DEUP1: variants seen among roughly 807,000 people sequenced by gnomAD.
The protein encoded by DEUP1 is coiled-coil domain containing 67.
DEUP1 carries 82 observed loss-of-function variants against 87.4 expected under a neutral mutation model. The ratio of observed to expected loss-of-function variants is 0.94; its 90% CI spans 0.78 to 1.13. The LOEUF is 1.13. Ranked by LOEUF, DEUP1 falls within the 50% of genes most tolerant of loss-of-function variation. The probability of loss-of-function intolerance (pLI) is 0.00; values close to 1 mark genes in which losing one functional copy is unlikely to be tolerated. For synonymous variants in DEUP1, 214 were observed against 222.7 expected (o/e 0.96, Z 0.35); for missense variants, 663 against 681.5 (o/e 0.97, Z 0.30).
chr11:93,394,372 TAGA>T lies in DEUP1; in HGVS notation c.1042-84_1042-82del, dbSNP rs1946869516. On this transcript the variant is annotated intron_variant, in intron 9 of 13. Transcript: ENST00000298050. ...AGTGGGCCCTGACAAAGTTTCAGAATAGAAGGACTGAACATGGCCAGTAAAATT... is the reference window on the plus strand; with the variant it reads ...AGTGGGCCCTGACAAAGTTTCAGAATAGGACTGAACATGGCCAGTAAAATT... 3.1e-6 allele frequency: 3 copies of T among 957,416 alleles called. No individual in the cohort carries two copies. The African/African-American group carries it at 5.0e-5, about 16-fold the overall frequency. The allele number at this position is 957,416 out of a possible 1,614,324, so 59.3% of individuals were successfully genotyped here. A position where few individuals can be genotyped will look rare whatever the true frequency, so the allele number is the denominator to read the frequency against.
intron 7 of DEUP1, chr11:93,383,564 T>G (rs567632075): frequency 1.5e-6 from 1 of 660,370 alleles, no homozygotes; most frequent in Non-Finnish European, 2.8e-6. Flanking sequence ...ACTTTGTGAC[T>G]AAATTGAAAA....
At position 93,389,343 on chromosome 11, in the gene DEUP1, C is replaced by T. The variant is rs138015837; in HGVS notation, c.1041+218C>T. 8.6e-3 allele frequency among the ~76,000 whole-genome samples: 1,307 copies of T among 152,298 alleles called. 16 individuals carry two copies. The highest frequency in any genetic ancestry group is 0.014 in the Non-Finnish European group (979 of 68,022). On this transcript the variant is annotated intron_variant, in intron 9 of 13. Transcript: ENST00000298050. ...CACTGTGCTACTGGGAGACTGCCCACGACACGTGGAGGGTGGAGGGCTGGA... is the reference window on the plus strand; with the variant it reads ...CACTGTGCTACTGGGAGACTGCCCATGACACGTGGAGGGTGGAGGGCTGGA...
chr11:93,385,872 G>A (rs1235559331), intron 8 of DEUP1, among the ~76,000 whole-genome samples: 1 of 151,894 alleles, frequency 6.6e-6, no homozygotes, highest in Non-Finnish European at 1.5e-5. Context: ...AGGCAACATA[G>A]TGAGACCCTG....
intron 7 of DEUP1, among the ~76,000 whole-genome samples, chr11:93,381,670 G>A (rs938868661): frequency 3.3e-5 from 5 of 152,078 alleles, no homozygotes; most frequent in Admixed American, 6.5e-5. Context: ...TGACAGAAAA[G>A]CTAACCTTTT....
chr11:93,380,693 G>A lies in DEUP1; in HGVS notation c.790-4705G>A, dbSNP rs146241735. 7.4e-3 allele frequency among the ~76,000 whole-genome samples: 1,130 copies of A among 152,142 alleles called. 18 individuals are homozygous for A. The highest frequency in any genetic ancestry group is 0.026 in the African/African-American group (1,092 of 41,516). ...GCTGGGATTACAGGAGTGAGCCACC[G>A]CGCCCGGCCAGCTAATAACAACTTT... On this transcript the variant is annotated intron_variant, in intron 7 of 13. Transcript: ENST00000298050.
chr11:93,394,231 A>G (rs1325206794), intron 9 of DEUP1, among the ~76,000 whole-genome samples: 5 of 152,210 alleles, frequency 3.3e-5, no homozygotes, highest in Non-Finnish European at 5.9e-5. Context: ...GATGATTTGC[A>G]TACAACAGAA....
In DEUP1 at chr11:93,414,541, G is replaced by A. The variant is rs368704094; in HGVS notation, c.1524-459G>A. ...TAATAAATAAATAAATAAAATAAAA[G>A]ACTTGTTTAGCATAAAAAATAGTAT... On this transcript the variant is annotated intron_variant, in intron 12 of 13. Coordinates refer to ENST00000298050, the MANE Select transcript of DEUP1 (RefSeq NM_181645.4). Among the ~76,000 whole-genome samples the A allele has an allele frequency of 5.9e-5, 9 of 151,848 alleles. No individual in the cohort carries two copies. In the East Asian group the frequency reaches 1.5e-3, roughly 26 times the overall value.
intron 4 of DEUP1, among the ~76,000 whole-genome samples, chr11:93,359,764 C>CA (rs1339102826): frequency 6.6e-6 from 1 of 152,054 alleles, no homozygotes; most frequent in African/African-American, 2.4e-5. Context: ...AACAAACAAA[C>CA]AACAACAACA....
intron 7 of DEUP1, among the ~76,000 whole-genome samples, chr11:93,384,246 A>T (rs1038413625): frequency 3.3e-4 from 50 of 151,792 alleles, no homozygotes; most frequent in African/African-American, 1.1e-3. Context: ...CTCAAAAATC[A>T]CTCCTATACC....
Position 93,385,482 on chromosome 11 carries a change from C to A in DEUP1, c.874C>A (p.Gln292Lys), listed in dbSNP as rs1248028813. 7 of 1,610,960 alleles carry A rather than the reference C, an allele frequency of 4.3e-6. No homozygotes were observed. Among genetic ancestry groups the A allele is most frequent in the African/African-American group, 1.3e-5 (1 of 74,766 alleles). ...LLRIIEMERL[Q>K]LHRELLKIGE... ...GAGAATTATAGAAATGGAACGATTG[C>A]AATTACACAGAGAATTATTAAAAAT... Residue 292 changes from glutamine to lysine, a missense_variant, in exon 8 of 14, where the codon CAA (glutamine) becomes AAA (lysine). By Grantham distance (53) the Gln-to-Lys change is moderately conservative. Coordinates refer to ENST00000298050, the MANE Select transcript of DEUP1 (RefSeq NM_181645.4).
chr11:93,427,706 A>C (rs1947968639), intron 13 of DEUP1, among the ~76,000 whole-genome samples: 1 of 151,426 alleles, frequency 6.6e-6, no homozygotes, highest in African/African-American at 2.4e-5. Flanking sequence ...AAATGGGAGA[A>C]ACTTTTCACA....
intron 4 of DEUP1, among the ~76,000 whole-genome samples, chr11:93,358,983 T>C (rs1216486935): frequency 6.6e-6 from 1 of 152,146 alleles, no homozygotes; most frequent in Non-Finnish European, 1.5e-5. Context: ...CCACCTATTT[T>C]CACTGCAGTT....
chr11:93,428,186 G>A (rs1196473982), intron 13 of DEUP1, among the ~76,000 whole-genome samples: 2 of 151,960 alleles, frequency 1.3e-5, no homozygotes, highest in African/African-American at 4.8e-5. Flanking sequence ...CAAAGACTTG[G>A]AACCAACCCA....
chr11:93,398,634 G>T (rs1241695064), intron 11 of DEUP1, among the ~76,000 whole-genome samples: 1 of 151,426 alleles, frequency 6.6e-6, no homozygotes, highest in African/African-American at 2.4e-5. Context: ...ACATATTTTT[G>T]TATATTCATT....
chr11:93,391,123 A>ATT (rs912742920), intron 9 of DEUP1, among the ~76,000 whole-genome samples: 1 of 150,690 alleles, frequency 6.6e-6, no homozygotes, highest in Non-Finnish European at 1.5e-5. Flanking sequence ...TCTGAAGAGC[A>ATT]TTTTAATTCT....
At chr11:93,419,843 C>T (rs1203413564) in intron 13 of DEUP1, among the ~76,000 whole-genome samples, 1 of 148,754 alleles carries the variant, frequency 6.7e-6, no homozygotes, top group Non-Finnish European at 1.5e-5. Flanking sequence ...AACAAAACAC[C>T]TTCAAAAAAA....
At chr11:93,416,525 T>A (rs1947636238) in intron 13 of DEUP1, among the ~76,000 whole-genome samples, 2 of 151,744 alleles carry the variant, frequency 1.3e-5, no homozygotes. Flanking sequence ...TCTGAAATTG[T>A]GGCAATAATC....
chr11:93,433,839 G>A (rs866423893), intron 13 of DEUP1, among the ~76,000 whole-genome samples: 61 of 152,184 alleles, frequency 4.0e-4, no homozygotes, highest in African/African-American at 1.4e-3. Context: ...CAGGAAGCTT[G>A]GCACATGAAT....
At chr11:93,393,503 G>T (rs180808722) in intron 9 of DEUP1, among the ~76,000 whole-genome samples, 37 of 151,898 alleles carry the variant, frequency 2.4e-4, no homozygotes, top group Admixed American at 2.0e-3. Context: ...TCTCTAATTG[G>T]CATTCATTCA....
Sources: allele counts gnomAD v4.1 joint callset (sites outside exome capture counted in the v4.1 genomes callset), GRCh38; gene constraint gnomAD v4.1.1; transcripts MANE v1.5; gene names NCBI Gene and HGNC (gene_info 2026-07-23, HGNC 2026-07-21).